KIFAP3: variants seen among roughly 807,000 people sequenced by gnomAD.
KIFAP3 encodes kinesin-associated protein 3.
Under a neutral mutation model 106.5 loss-of-function variants are expected in KIFAP3, and 68 were observed. The ratio of observed to expected loss-of-function variants is 0.64; its 90% CI spans 0.53 to 0.78. The LOEUF (loss-of-function observed/expected upper bound fraction) is 0.78, where lower values mean the gene tolerates loss of function less well. Ranked by LOEUF, KIFAP3 falls within the 30% of genes least tolerant of loss-of-function variation. The probability of loss-of-function intolerance (pLI) is 0.00; values close to 1 mark genes in which losing one functional copy is unlikely to be tolerated. For missense variants in KIFAP3, 780 were observed against 941.8 expected, an observed-to-expected ratio of 0.83 and a Z score of 2.25; for synonymous variants, 320 against 311.5, an observed-to-expected ratio of 1.03 and a Z score of -0.29.
intron 10 of KIFAP3, among the ~76,000 whole-genome samples, chr1:170,008,712 C>T (rs1014608978): frequency 3.9e-5 from 6 of 152,260 alleles, no homozygotes; most frequent in Admixed American, 2.6e-4. Flanking sequence ...GACAGTGTGG[C>T]GATTCCTCAA....
At chr1:169,982,674 A>G in intron 14 of KIFAP3, 28 bp downstream of exon 14, 2 of 1,451,680 alleles carry the variant, frequency 1.4e-6, no homozygotes, top group East Asian at 2.4e-5. Context: ...CTTAGTGATT[A>G]TACAAAAGTG....
At chr1:170,052,442 A>G (rs1376777424) in intron 2 of KIFAP3, among the ~76,000 whole-genome samples, 1 of 152,218 alleles carries the variant, frequency 6.6e-6, no homozygotes, top group Non-Finnish European at 1.5e-5. Flanking sequence ...ATTATTTCTG[A>G]AACTATTCCA....
chr1:170,050,572 A>G (rs187941644), intron 2 of KIFAP3, among the ~76,000 whole-genome samples: 246 of 152,312 alleles, frequency 1.6e-3, no homozygotes, highest in African/African-American at 5.6e-3. Flanking sequence ...CAAAGGAAAA[A>G]ATGTTAAGAG....
At chr1:169,924,384 G>A (rs1663008229) in intron 19 of KIFAP3, among the ~76,000 whole-genome samples, 2 of 152,070 alleles carry the variant, frequency 1.3e-5, no homozygotes, top group African/African-American at 4.8e-5. Flanking sequence ...TACAAATATC[G>A]TTTTGGAAAA....
intron 1 of KIFAP3, among the ~76,000 whole-genome samples, chr1:170,063,852 G>T (rs571725737): frequency 1.8e-4 from 27 of 152,076 alleles, no homozygotes; most frequent in Non-Finnish European, 3.7e-4. Flanking sequence ...TTGGGATAAT[G>T]ACTGACATAA....
chr1:169,951,072 A>G (rs996149731), intron 19 of KIFAP3, among the ~76,000 whole-genome samples: 3 of 151,950 alleles, frequency 2.0e-5, no homozygotes, highest in Non-Finnish European at 4.4e-5. Context: ...TCAGTAAAAC[A>G]AAGTGTGAAA....
Position 169,990,074 on chromosome 1 carries a change from T to C in KIFAP3, c.1284+2081A>G, listed in dbSNP as rs569034423. On this transcript the variant is annotated intron_variant, in intron 11 of 19. Transcript: ENST00000361580. ...AGTGACTCAGGTTTTGTTTTGTCCA[T>C]TAATTTCAGACATGAACCTCCAAGG... is the stretch of plus-strand genomic sequence containing the variant. 3 of 1,471,470 alleles carry C rather than the reference T, an allele frequency of 2.0e-6. No individual in the cohort carries two copies. In the African/African-American group the frequency reaches 4.3e-5, roughly 21 times the overall value. The allele number at this position is 1,471,470 out of a possible 1,614,324, so 91.2% of individuals were successfully genotyped here. A position where few individuals can be genotyped will look rare whatever the true frequency, so the allele number is the denominator to read the frequency against.
chr1:169,943,828 A>C (rs1664271113), intron 19 of KIFAP3, among the ~76,000 whole-genome samples: 1 of 152,216 alleles, frequency 6.6e-6, no homozygotes, highest in East Asian at 1.9e-4. Flanking sequence ...GTGATGATAT[A>C]ATTAACTTGC....
At chr1:169,980,928 C>A (rs1666486046) in intron 15 of KIFAP3, among the ~76,000 whole-genome samples, 1 of 152,064 alleles carries the variant, frequency 6.6e-6, no homozygotes, top group Admixed American at 6.5e-5. Flanking sequence ...ATGGAGAAAC[C>A]CCATTTCTAC....
At chr1:170,037,963 A>G (rs1237502526) in intron 5 of KIFAP3, among the ~76,000 whole-genome samples, 1 of 152,206 alleles carries the variant, frequency 6.6e-6, no homozygotes, top group Non-Finnish European at 1.5e-5. Flanking sequence ...CTGAGAAAAA[A>G]TGAATATTGG....
chr1:170,037,478 C>A (rs1225591309), intron 5 of KIFAP3, among the ~76,000 whole-genome samples: 1 of 152,010 alleles, frequency 6.6e-6, no homozygotes, highest in African/African-American at 2.4e-5. Flanking sequence ...ACCTGTAATC[C>A]TAGCACTTTG....
chr1:169,961,109 GATC>G lies in KIFAP3; in HGVS notation c.2107_2109del (p.Asp703del). On this transcript the variant is annotated inframe_deletion, in exon 18 of 20. Transcript: ENST00000361580. ...CCTTCATGAATGTATGGCTCAATTCGATCATCACCATACAAGTACTGCTCACTC... is the reference window on the plus strand; with the variant it reads ...CCTTCATGAATGTATGGCTCAATTCGATCACCATACAAGTACTGCTCACTC... 1 of 1,613,318 alleles carries G rather than the reference GATC, an allele frequency of 6.2e-7. No homozygotes were observed. The highest frequency in any genetic ancestry group is 8.5e-7 in the Non-Finnish European group (1 of 1,179,558).
upstream of KIFAP3, among the ~76,000 whole-genome samples, chr1:170,075,876 C>T (rs573650594): frequency 7.9e-5 from 12 of 152,238 alleles, no homozygotes; most frequent in African/African-American, 2.9e-4. Flanking sequence ...TCACTTTATA[C>T]CTAGAGTACT....
intron 10 of KIFAP3, among the ~76,000 whole-genome samples, chr1:169,998,266 A>G (rs1182209126): frequency 1.3e-5 from 2 of 152,096 alleles, no homozygotes; most frequent in Non-Finnish European, 2.9e-5. Flanking sequence ...TGTTTCATTT[A>G]CCTTTAAACA....
intron 16 of KIFAP3, among the ~76,000 whole-genome samples, chr1:169,974,493 T>C (rs1010626332): frequency 6.6e-5 from 10 of 151,958 alleles, no homozygotes; most frequent in African/African-American, 2.4e-4. Flanking sequence ...AAGTACAGAT[T>C]TGCTACATGG....
At chr1:169,941,664 A>G (rs2101811961) in intron 19 of KIFAP3, among the ~76,000 whole-genome samples, 2 of 152,262 alleles carry the variant, frequency 1.3e-5, no homozygotes, top group Non-Finnish European at 1.5e-5. Context: ...TATACAATAA[A>G]ATATATTTAT....
chr1:169,935,017 A>G (rs1663708543), intron 19 of KIFAP3, among the ~76,000 whole-genome samples: 1 of 152,152 alleles, frequency 6.6e-6, no homozygotes, highest in Non-Finnish European at 1.5e-5. Context: ...TTTTAAAAAT[A>G]CTTTAAAAAA....
chr1:170,020,955 A>T (rs532748072), intron 9 of KIFAP3, among the ~76,000 whole-genome samples: 1 of 152,302 alleles, frequency 6.6e-6, no homozygotes, highest in Admixed American at 6.5e-5. Flanking sequence ...CTTAAATATG[A>T]CACCCAAATA....
chr1:170,038,554 A>G, intron 4 of KIFAP3, 123 bp from the exon 5 acceptor site: 2 of 959,110 alleles, frequency 2.1e-6, no homozygotes, highest in Non-Finnish European at 3.1e-6. Context: ...AAGAACTCAT[A>G]GTAGCCATCT....
Sources: gnomAD v4.1 joint callset for allele counts (sites outside exome capture counted in the v4.1 genomes callset) on GRCh38, gnomAD v4.1.1 for gene constraint, MANE v1.5 for transcripts, NCBI Gene and HGNC (gene_info 2026-07-23, HGNC 2026-07-21) for gene names.